The following FSTL4 variants were observed in gnomAD, a reference collection of about 807,000 sequenced individuals.
FSTL4 encodes follistatin like 4, also known as follistatin-related protein 4.
FSTL4 carries 28 observed loss-of-function variants against 78.2 expected under a neutral mutation model. The observed-to-expected ratio is 0.36, with a 90% confidence interval of 0.27 to 0.49. FSTL4 has a LOEUF of 0.49. Among genes scored for constraint, FSTL4 ranks in the 20% least tolerant of loss-of-function variants. The probability of loss-of-function intolerance (pLI) is 0.98; values close to 1 mark genes in which losing one functional copy is unlikely to be tolerated. For synonymous variants in FSTL4, 422 were observed against 440.5 expected (o/e 0.96, Z 0.53); for missense variants, 922 against 1,084.9 (o/e 0.85, Z 2.11).
intron 3 of FSTL4, among the ~76,000 whole-genome samples, chr5:133,505,798 G>A (rs1175356483): frequency 5.3e-5 from 8 of 152,194 alleles, no homozygotes; most frequent in Non-Finnish European, 8.8e-5. Flanking sequence ...TGTTTATAAC[G>A]TTACTGCTCC....
intron 3 of FSTL4, among the ~76,000 whole-genome samples, chr5:133,421,681 A>G (rs1400109750): frequency 1.3e-5 from 2 of 152,198 alleles, no homozygotes; most frequent in South Asian, 2.1e-4. Flanking sequence ...GGAGGATAAC[A>G]AGTGAGCCCA....
At chr5:133,579,663 C>A (rs1319402733) in intron 2 of FSTL4, among the ~76,000 whole-genome samples, 2 of 152,198 alleles carry the variant, frequency 1.3e-5, no homozygotes, top group Non-Finnish European at 2.9e-5. Flanking sequence ...TTAACATCCA[C>A]CTGTTTAACA....
At chr5:133,654,643 A>G in the FSTL4 span, among the ~76,000 whole-genome samples, 2 of 152,184 alleles carry the variant, frequency 1.3e-5, no homozygotes, top group Non-Finnish European at 2.9e-5. Flanking sequence ...GATGCTGGTC[A>G]TGTGGAAGGG....
intron 6 of FSTL4, among the ~76,000 whole-genome samples, chr5:133,252,870 G>T (rs532347691): frequency 6.6e-5 from 10 of 152,152 alleles, no homozygotes; most frequent in Admixed American, 1.3e-4. Context: ...CTGCTGGCTG[G>T]GATAACTGGC....
chr5:133,469,209 A>G (rs910025231), intron 3 of FSTL4, among the ~76,000 whole-genome samples: 6 of 152,200 alleles, frequency 3.9e-5, no homozygotes, highest in Non-Finnish European at 7.3e-5. Flanking sequence ...CGGATTGTGA[A>G]GAGGCCGAAT....
At position 133,199,582 on chromosome 5, in the gene FSTL4, A is replaced by G; in HGVS notation, c.2042T>C (p.Val681Ala). ...TGTTACATCACCATTGGGGCCAAGC[A>G]CAGAGTCTGTGACACTGTCAACGAG... The part of the protein sequence containing the change: ...QLLVDSVTDS[V>A]LGPNGDVTGT... The change falls in exon 16 of 16, where the codon GTG becomes GCG. Residue 681 changes from valine (V) to alanine (A), a missense_variant. By Grantham distance (64) the Val-to-Ala change is moderately conservative. Transcript: ENST00000265342. This position sits in a 1 kb window ranked among gnomAD's most constrained non-coding sequence, Gnocchi z 4.4. The G allele has an allele frequency of 6.2e-7, 1 of 1,614,144 alleles. No individual in the cohort carries two copies. The highest frequency in any genetic ancestry group is 8.5e-7 in the Non-Finnish European group (1 of 1,179,992).
chr5:133,319,414 C>T (rs1753993053), intron 4 of FSTL4, among the ~76,000 whole-genome samples: 1 of 152,176 alleles, frequency 6.6e-6, no homozygotes, highest in South Asian at 2.1e-4. Context: ...ACTGTGGGTG[C>T]CTGTGGTGGG....
At chr5:133,311,488 C>T (rs1753783609) in intron 6 of FSTL4, among the ~76,000 whole-genome samples, 1 of 152,198 alleles carries the variant, frequency 6.6e-6, no homozygotes, top group Non-Finnish European at 1.5e-5. Flanking sequence ...AGGGAAGAAT[C>T]ATGCTTGCTT....
chr5:133,551,532 G>A (rs879405604), intron 3 of FSTL4, among the ~76,000 whole-genome samples: 1 of 152,088 alleles, frequency 6.6e-6, no homozygotes, highest in Non-Finnish European at 1.5e-5. Context: ...AGAACACTTC[G>A]GAGCCCGGAT....
the FSTL4 span, among the ~76,000 whole-genome samples, chr5:133,808,009 C>T: frequency 6.6e-6 from 1 of 152,172 alleles, no homozygotes; most frequent in Non-Finnish European, 1.5e-5. Context: ...CCACCAAGCA[C>T]TATGAACTCC....
the FSTL4 span, among the ~76,000 whole-genome samples, chr5:133,651,605 T>C: frequency 2.6e-5 from 4 of 152,204 alleles, no homozygotes; most frequent in African/African-American, 9.6e-5. Context: ...GGTCATAGTG[T>C]ATAACTCCTT....
chr5:133,382,278 C>T (rs186950263), intron 4 of FSTL4, among the ~76,000 whole-genome samples: 9 of 152,212 alleles, frequency 5.9e-5, no homozygotes, highest in African/African-American at 2.2e-4. Context: ...TGAGCCCCTG[C>T]GGACCCATGC....
chr5:133,223,595 A>G (rs1160141210), intron 11 of FSTL4, among the ~76,000 whole-genome samples: 1 of 152,200 alleles, frequency 6.6e-6, no homozygotes, highest in African/African-American at 2.4e-5. Context: ...ACCAGCTCCC[A>G]CACATGCCCA....
chr5:133,694,519 C>T, the FSTL4 span, among the ~76,000 whole-genome samples: 6 of 152,378 alleles, frequency 3.9e-5, no homozygotes, highest in South Asian at 2.1e-4. Flanking sequence ...CTTCTCCTGG[C>T]GCTCACAGCC....
chr5:133,486,291 G>T (rs1393193807), intron 3 of FSTL4, among the ~76,000 whole-genome samples: 1 of 151,750 alleles, frequency 6.6e-6, no homozygotes, highest in Non-Finnish European at 1.5e-5. Context: ...GACCAAGAGA[G>T]GGCAAGGAAG....
chr5:133,275,561 A>T (rs1752864267), intron 6 of FSTL4, among the ~76,000 whole-genome samples: 1 of 114,822 alleles, frequency 8.7e-6, no homozygotes, highest in African/African-American at 4.4e-5. Flanking sequence ...ACTCTGTCTT[A>T]AAAAAACAAA....
At chr5:133,339,490 C>G (rs915551393) in intron 4 of FSTL4, among the ~76,000 whole-genome samples, 1 of 152,062 alleles carries the variant, frequency 6.6e-6, no homozygotes, top group African/African-American at 2.4e-5. Flanking sequence ...CTCAGAACAT[C>G]GATCATCTCT....
At chr5:133,827,696 G>A in the FSTL4 span, among the ~76,000 whole-genome samples, 1 of 151,726 alleles carries the variant, frequency 6.6e-6, no homozygotes, top group Non-Finnish European at 1.5e-5. Context: ...AAAGCCATGG[G>A]TTTCTTCCAC....
the FSTL4 span, among the ~76,000 whole-genome samples, chr5:133,710,306 C>T: frequency 6.6e-6 from 1 of 152,218 alleles, no homozygotes; most frequent in African/African-American, 2.4e-5. Context: ...CGGCCCTCCA[C>T]CAGGCTCAGC....
Sources: gnomAD v4.1 joint callset for allele counts (sites outside exome capture counted in the v4.1 genomes callset) on GRCh38, gnomAD v4.1.1 for gene constraint, Gnocchi (gnomAD v3.1) non-coding constraint, MANE v1.5 for transcripts, NCBI Gene and HGNC (gene_info 2026-07-23, HGNC 2026-07-21) for gene names.